The following NELFA variants were observed in gnomAD, a reference collection of about 807,000 sequenced individuals.
The protein encoded by NELFA is negative elongation factor A.
NELFA carries 35 observed loss-of-function variants against 51.8 expected under a neutral mutation model. That is an observed-to-expected ratio of 0.68 (90% CI 0.52 to 0.90). NELFA has a LOEUF of 0.90. Among genes scored for constraint, NELFA ranks in the 40% least tolerant of loss-of-function variants. The pLI, the probability that NELFA is intolerant of heterozygous loss-of-function variation, is 0.00. For synonymous variants in NELFA, 417 were observed against 338.4 expected, an observed-to-expected ratio of 1.23 and a Z score of -2.55; for missense variants, 658 against 746.4, an observed-to-expected ratio of 0.88 and a Z score of 1.38.
chr4:1,983,648 T>C lies in NELFA; in HGVS notation c.1350A>G (p.Lys450=). 1 of 1,614,092 alleles carries C rather than the reference T, an allele frequency of 6.2e-7. No homozygotes were observed. Residue 450 remains lysine (K), a synonymous_variant, in exon 10 of 11, where the codon AAA becomes AAG. Transcript: ENST00000382882. The stretch of plus-strand genomic sequence containing the variant: ...TGAGGGCCTTCTCGGGCCGCGTGAC[T>C]TTGTTGGCCGTCTTGAACATCTCCT... ...AAQEMFKTAN[K]VTRPEKALIL... is the part of the protein sequence containing the mutation.
intron 1 of NELFA, 82 bp downstream of exon 1, chr4:2,008,668 A>G (rs1728780199): frequency 6.7e-7 from 1 of 1,483,966 alleles, no homozygotes; most frequent in African/African-American, 1.4e-5. Flanking sequence ...GGAGGGAGCG[A>G]GGAGGGTCCG....
rs914417241 is a variant in NELFA, at chr4:1,983,714, T to G, written c.1303-19A>C. The G allele has an allele frequency of 3.1e-6, 5 of 1,611,708 alleles. No individual in the cohort carries two copies. The highest frequency in any genetic ancestry group is 3.4e-6 in the Non-Finnish European group (4 of 1,178,438). ...GCTCTCTCTACAGCGGGGAGAGGGG[T>G]GTGGGTGCCAGGGCCCCGCCAGGAC... On this transcript the variant is annotated intron_variant, in intron 9 of 10. Coordinates refer to ENST00000382882, the MANE Select transcript of NELFA (RefSeq NM_005663.5).
intron 1 of NELFA, among the ~76,000 whole-genome samples, chr4:1,995,898 C>A (rs1205865850): frequency 6.8e-6 from 1 of 147,894 alleles, no homozygotes; most frequent in Non-Finnish European, 1.5e-5. Context: ...TTTTTTTAAA[C>A]CAAGCTGCAC....
rs373321225 is a variant in NELFA at position 2,008,780 on chromosome 4, C to A, written c.180G>T (p.Thr60=). ...CCACCGTGCGGCGCGGGAGGTGCAG[C>A]GTCCCGAGTAGCAACTTGAGCTTCA... is the stretch of plus-strand genomic sequence containing the variant. ...SAVKLKLLLG[T]LHLPRRTVDE... is the part of the protein sequence containing the mutation. Residue 60 remains threonine (T), a synonymous_variant, in exon 1 of 11, where the codon ACG becomes ACT. Transcript: ENST00000382882. 9 of 1,611,808 alleles carry A rather than the reference C, an allele frequency of 5.6e-6. No individual in the cohort carries two copies. Among genetic ancestry groups the A allele is most frequent in the Admixed American group, 1.7e-5 (1 of 59,828 alleles).
rs190293937 is a variant in NELFA at position 1,986,523 on chromosome 4, G to A, written c.635-121C>T. 1.1e-4 allele frequency: 163 copies of A among 1,485,308 alleles called. 1 individual carries two copies. In the East Asian group the frequency reaches 2.1e-3, roughly 20 times the overall value. 92.0% of individuals were successfully genotyped at this position (1,485,308 alleles called of 1,614,324 possible). A position where few individuals can be genotyped will look rare whatever the true frequency, so the allele number is the denominator to read the frequency against. On this transcript the variant is annotated intron_variant, in intron 4 of 10. Coordinates refer to ENST00000382882, the MANE Select transcript of NELFA (RefSeq NM_005663.5). ...CGCAGAGGGGAAGGGCCAAACCCCT[G>A]GCGGGCAGCGGGCAGGACCCCCAGG... is the stretch of plus-strand genomic sequence containing the variant.
At chr4:2,001,021 A>G (rs1728554616) in intron 1 of NELFA, among the ~76,000 whole-genome samples, 1 of 152,254 alleles carries the variant, frequency 6.6e-6, no homozygotes, top group Non-Finnish European at 1.5e-5. Context: ...TCTATCACAT[A>G]AACAGAACCA....
intron 2 of NELFA, chr4:1,990,562 C>T: frequency 2.2e-6 from 1 of 454,124 alleles, no homozygotes; most frequent in Non-Finnish European, 4.4e-6. Flanking sequence ...TGTGTGTGAC[C>T]TCACAGGTGG....
At chr4:2,001,697 G>A (rs1326071905) in intron 1 of NELFA, among the ~76,000 whole-genome samples, 10 of 152,152 alleles carry the variant, frequency 6.6e-5, no homozygotes, top group African/African-American at 2.4e-4. Context: ...GAGGTCAGGA[G>A]TTTGAGACCA....
intron 1 of NELFA, chr4:1,992,004 C>A: frequency 2.9e-6 from 1 of 340,486 alleles, no homozygotes; most frequent in Non-Finnish European, 5.4e-6. Flanking sequence ...ACTCTTCCAC[C>A]GGTGCGCAGA....
At chr4:2,003,505 A>G (rs1243863390) in intron 1 of NELFA, among the ~76,000 whole-genome samples, 1 of 152,236 alleles carries the variant, frequency 6.6e-6, no homozygotes. Context: ...TGGACTGGAT[A>G]AAGAAAATGT....
chr4:1,988,982 G>C (rs1002302167), intron 3 of NELFA, among the ~76,000 whole-genome samples: 2 of 132,688 alleles, frequency 1.5e-5, no homozygotes, highest in South Asian at 4.7e-4. Flanking sequence ...TTTCGCTCTT[G>C]TTGCCCAGGC....
intron 1 of NELFA, among the ~76,000 whole-genome samples, chr4:2,006,794 A>T (rs1330384309): frequency 6.7e-6 from 1 of 148,548 alleles, no homozygotes; most frequent in South Asian, 2.1e-4. Context: ...AAAAAAAAAA[A>T]GGATTCCAGG....
chr4:2,001,953 C>T (rs903355792), intron 1 of NELFA, among the ~76,000 whole-genome samples: 1 of 149,048 alleles, frequency 6.7e-6, no homozygotes, highest in Admixed American at 6.8e-5. Flanking sequence ...GTAATCCTAG[C>T]ACTTTGGGAG....
rs975433333 is a variant in NELFA, at chr4:1,998,621, G to A, written c.211-6906C>T. On this transcript the variant is annotated intron_variant, in intron 1 of 10. Transcript: ENST00000382882. Reference sequence around the variant, plus strand: ...TAGAGAGAAAAGAATGAAAAGGAACGAACAAAGCCTCCAAAAAACACGGGA... The same window carrying A: ...TAGAGAGAAAAGAATGAAAAGGAACAAACAAAGCCTCCAAAAAACACGGGA... 3.3e-5 allele frequency among the ~76,000 whole-genome samples: 5 copies of A among 150,674 alleles called. No homozygotes were observed. In the East Asian group the frequency reaches 5.8e-4, roughly 17 times the overall value.
chr4:1,989,214 G>A lies in NELFA; in HGVS notation c.544+494C>T, dbSNP rs566864589. ...GCTGGCCTCAGCCTCCCAAAGTGCTGGGTTTACAGGTGTGAGCCACCATGC... is the reference window on the plus strand; with the variant it reads ...GCTGGCCTCAGCCTCCCAAAGTGCTAGGTTTACAGGTGTGAGCCACCATGC... On this transcript the variant is annotated intron_variant, in intron 3 of 10. Transcript: ENST00000382882. The surrounding 1 kb of genome is among the most constrained non-coding windows in gnomAD (Gnocchi z 4.8). Among the ~76,000 whole-genome samples the A allele has an allele frequency of 2.3e-4, 35 of 152,266 alleles. No individual in the cohort carries two copies. The highest frequency in any genetic ancestry group is 3.4e-3 in the Middle Eastern group (1 of 294).
At position 1,989,588 on chromosome 4, in the gene NELFA, G is replaced by A. The variant is rs909674638; in HGVS notation, c.544+120C>T. ...CCTGCCCCAGCCTCCCAACAGGTGT[G>A]AGCCACCATGCCTGGCCCAGAACGC... On this transcript the variant is annotated intron_variant, in intron 3 of 10. Coordinates refer to ENST00000382882, the MANE Select transcript of NELFA (RefSeq NM_005663.5). The surrounding 1 kb of genome is among the most constrained non-coding windows in gnomAD (Gnocchi z 4.8). 9 of 1,129,994 alleles carry A rather than the reference G, an allele frequency of 8.0e-6. No homozygotes were observed. Among genetic ancestry groups the A allele is most frequent in the East Asian group, 7.3e-5 (3 of 41,350 alleles). 70.0% of individuals were successfully genotyped at this position (1,129,994 alleles called of 1,614,324 possible).
intron 1 of NELFA, among the ~76,000 whole-genome samples, chr4:2,000,644 A>C (rs1009011533): frequency 2.6e-5 from 4 of 152,168 alleles, no homozygotes; most frequent in Non-Finnish European, 5.9e-5. Flanking sequence ...AGCTCTGAAA[A>C]TGAGGCAGTA....
rs764561942 is a variant in NELFA at position 2,008,941 on chromosome 4, T to C, written c.19A>G (p.Ser7Gly). 4 of 1,563,932 alleles carry C rather than the reference T, an allele frequency of 2.6e-6. No homozygotes were observed. The highest frequency in any genetic ancestry group is 1.4e-5 in the African/African-American group (1 of 73,862). Residue 7 changes from serine to glycine, a missense_variant, in exon 1 of 11, where the codon AGC becomes GGC. Coordinates refer to ENST00000382882, the MANE Select transcript of NELFA (RefSeq NM_005663.5). MASMRE[S>G]DTGLWLHNKL... ...TTGTGCAGCCACAGGCCCGTGTCGCTCTCCCGCATGGACGCCATCTTGGGG... is the reference window on the plus strand; with the variant it reads ...TTGTGCAGCCACAGGCCCGTGTCGCCCTCCCGCATGGACGCCATCTTGGGG...
rs1378216441 is a variant in NELFA at position 1,982,792 on chromosome 4, C to G, written c.*527G>C. 1 of 152,776 alleles carries G rather than the reference C, an allele frequency of 6.5e-6. No individual in the cohort carries two copies. The highest frequency in any genetic ancestry group is 2.4e-5 in the African/African-American group (1 of 41,446). The allele number at this position is 152,776 out of a possible 1,614,324, so 9.5% of individuals were successfully genotyped here. A position where few individuals can be genotyped will look rare whatever the true frequency, so the allele number is the denominator to read the frequency against. ...ATGAAAATAGGTACCCAAAGACTGTCTTAAATGTCCACAACTATACAAAAG... is the reference window on the plus strand; with the variant it reads ...ATGAAAATAGGTACCCAAAGACTGTGTTAAATGTCCACAACTATACAAAAG... On this transcript the variant is annotated 3_prime_UTR_variant, in exon 11 of 11. Transcript: ENST00000382882.
Sources: allele counts gnomAD v4.1 joint callset (sites outside exome capture counted in the v4.1 genomes callset), GRCh38; gene constraint gnomAD v4.1.1; non-coding constraint Gnocchi (gnomAD v3.1); transcripts MANE v1.5; gene names NCBI Gene and HGNC (gene_info 2026-07-23, HGNC 2026-07-21).